The following NEMP2 variants were observed in gnomAD, a reference collection of about 807,000 sequenced individuals.
NEMP2 encodes the protein UPF0571 transmembrane protein.
A neutral mutation model predicts 54.2 loss-of-function variants in NEMP2; 53 were observed. The ratio of observed to expected loss-of-function variants is 0.98; its 90% CI spans 0.78 to 1.23. The LOEUF is 1.23. NEMP2 is among the 50% of genes most tolerant of loss of function. The pLI is 0.00. For missense variants in NEMP2, 455 were observed against 511.3 expected (o/e 0.89, Z 1.06); for synonymous variants, 197 against 190.3 (o/e 1.04, Z -0.29).
At chr2:190,482,868 C>CTTTTTTTTTTTTTTTTT in the NEMP2 span, among the ~76,000 whole-genome samples, 1 of 48,292 alleles carries the variant, frequency 2.1e-5, no homozygotes, top group Non-Finnish European at 3.8e-5. Context: ...AGACTATCAT[C>CTTTTTTTTTTTTTTTTT]TTTTTTTTTT....
the NEMP2 span, among the ~76,000 whole-genome samples, chr2:190,492,952 A>G: frequency 7.2e-5 from 11 of 152,226 alleles, no homozygotes; most frequent in South Asian, 1.2e-3. The surrounding 1 kb of genome is among the most constrained non-coding windows in gnomAD (Gnocchi z 5.2). Context: ...CAGGACCTAT[A>G]AAACAAAATA....
the NEMP2 span, among the ~76,000 whole-genome samples, chr2:190,450,931 A>C: frequency 6.6e-6 from 1 of 152,144 alleles, no homozygotes; most frequent in South Asian, 2.1e-4. Flanking sequence ...GTGGTTGCTG[A>C]GTACAGTGAG....
chr2:190,472,544 A>G, the NEMP2 span, among the ~76,000 whole-genome samples: 1 of 152,198 alleles, frequency 6.6e-6, no homozygotes, highest in African/African-American at 2.4e-5. Flanking sequence ...AGAAAAAAGA[A>G]TAAAAAGAAA....
At chr2:190,635,535 CA>C in the NEMP2 span, among the ~76,000 whole-genome samples, 1 of 152,134 alleles carries the variant, frequency 6.6e-6, no homozygotes, top group Non-Finnish European at 1.5e-5. The surrounding 1 kb of genome is among the most constrained non-coding windows in gnomAD (Gnocchi z 4.1). Flanking sequence ...GATTTTTGGT[CA>C]ACTTGATCAA....
At chr2:190,423,461 C>T in the NEMP2 span, among the ~76,000 whole-genome samples, 2 of 152,162 alleles carry the variant, frequency 1.3e-5, no homozygotes, top group South Asian at 2.1e-4. The surrounding 1 kb of genome is among the most constrained non-coding windows in gnomAD (Gnocchi z 4.3). Context: ...ATGTATCAAT[C>T]GTTTGCTCCT....
the NEMP2 span, among the ~76,000 whole-genome samples, chr2:190,442,216 C>A: frequency 6.6e-6 from 1 of 151,992 alleles, no homozygotes; most frequent in African/African-American, 2.4e-5. Flanking sequence ...TCTAGAGGAC[C>A]AAGTATTATT....
chr2:190,629,572 A>G, the NEMP2 span, among the ~76,000 whole-genome samples: 6 of 152,352 alleles, frequency 3.9e-5, no homozygotes, highest in Admixed American at 3.3e-4. Flanking sequence ...GTTTATAAAT[A>G]GAATAATTCA....
At chr2:190,500,084 G>C, downstream of NEMP2, 1 of 1,614,178 alleles carries the variant, frequency 6.2e-7, no homozygotes, top group Non-Finnish European at 8.5e-7. This position sits in a 1 kb window ranked among gnomAD's most constrained non-coding sequence, Gnocchi z 5.3. Context: ...GACTCACTCT[G>C]ACCCATCTAG....
the NEMP2 span, among the ~76,000 whole-genome samples, chr2:190,590,988 C>T: frequency 6.6e-6 from 1 of 152,092 alleles, no homozygotes; most frequent in Non-Finnish European, 1.5e-5. This position sits in a 1 kb window ranked among gnomAD's most constrained non-coding sequence, Gnocchi z 5.1. Flanking sequence ...ATGAGGCTTG[C>T]TTTTTACCTT....
At chr2:190,584,100 A>G in the NEMP2 span, among the ~76,000 whole-genome samples, 1 of 152,176 alleles carries the variant, frequency 6.6e-6, no homozygotes, top group Non-Finnish European at 1.5e-5. The surrounding 1 kb of genome is among the most constrained non-coding windows in gnomAD (Gnocchi z 4.2). Flanking sequence ...AACTTGTTAA[A>G]AGTGCAACTT....
chr2:190,478,231 G>A, the NEMP2 span, among the ~76,000 whole-genome samples: 1 of 152,110 alleles, frequency 6.6e-6, no homozygotes, highest in Non-Finnish European at 1.5e-5. Context: ...CTAGCTACTG[G>A]TCTGAAGCCA....
chr2:190,543,328 G>A, the NEMP2 span, among the ~76,000 whole-genome samples: 1 of 152,242 alleles, frequency 6.6e-6, no homozygotes, highest in African/African-American at 2.4e-5. The surrounding 1 kb of genome is among the most constrained non-coding windows in gnomAD (Gnocchi z 4.7). Flanking sequence ...ACTGAGCAGA[G>A]TTTTTAGGTG....
chr2:190,433,006 G>A, the NEMP2 span, among the ~76,000 whole-genome samples: 1 of 152,100 alleles, frequency 6.6e-6, no homozygotes, highest in African/African-American at 2.4e-5. This position sits in a 1 kb window ranked among gnomAD's most constrained non-coding sequence, Gnocchi z 4.5. Flanking sequence ...AGTTTTCTCA[G>A]ATCTACCAAG....
the NEMP2 span, chr2:190,469,898 T>C: frequency 6.9e-7 from 1 of 1,443,096 alleles, no homozygotes; most frequent in Admixed American, 1.8e-5. The surrounding 1 kb of genome is among the most constrained non-coding windows in gnomAD (Gnocchi z 5.3). Context: ...CTGCCTTCCC[T>C]GAGCTGTGGC....
At chr2:190,618,362 A>G in the NEMP2 span, among the ~76,000 whole-genome samples, 1 of 152,202 alleles carries the variant, frequency 6.6e-6, no homozygotes, top group Non-Finnish European at 1.5e-5. Context: ...ATGGAGCACT[A>G]CAGTATATCT....
chr2:190,626,943 A>C, the NEMP2 span: 11 of 152,322 alleles, frequency 7.2e-5, no homozygotes, highest in African/African-American at 2.6e-4. The surrounding 1 kb of genome is among the most constrained non-coding windows in gnomAD (Gnocchi z 4.5). Flanking sequence ...TCAGCTCTTC[A>C]AAAAAATATT....
chr2:190,495,596 T>C, the NEMP2 span, among the ~76,000 whole-genome samples: 1 of 152,124 alleles, frequency 6.6e-6, no homozygotes, highest in African/African-American at 2.4e-5. The surrounding 1 kb of genome is among the most constrained non-coding windows in gnomAD (Gnocchi z 4.7). Context: ...GATTTCAAAC[T>C]ATACTATAAG....
At chr2:190,612,870 C>G in the NEMP2 span, among the ~76,000 whole-genome samples, 1 of 152,008 alleles carries the variant, frequency 6.6e-6, no homozygotes, top group African/African-American at 2.4e-5. Context: ...ATTATTTACC[C>G]TTTAAAAAGG....
the NEMP2 span, among the ~76,000 whole-genome samples, chr2:190,478,425 C>T: frequency 6.6e-6 from 1 of 152,304 alleles, no homozygotes; most frequent in South Asian, 2.1e-4. Flanking sequence ...ATGCCCACCC[C>T]ATGGAAAACA....
Sources: allele counts gnomAD v4.1 joint callset (sites outside exome capture counted in the v4.1 genomes callset), GRCh38; gene constraint gnomAD v4.1.1; non-coding constraint Gnocchi (gnomAD v3.1); transcripts MANE v1.5; gene names NCBI Gene and HGNC (gene_info 2026-07-23, HGNC 2026-07-21).